The following SPRED1 variants were observed in gnomAD, a reference collection of about 807,000 sequenced individuals.
The protein encoded by SPRED1 is sprouty related EVH1 domain containing 1.
A neutral mutation model predicts 52.3 loss-of-function variants in SPRED1; 18 were observed. The ratio of observed to expected loss-of-function variants is 0.34; its 90% confidence interval spans 0.24 to 0.51. The LOEUF is 0.51. Among genes scored for constraint, SPRED1 ranks in the 20% least tolerant of loss-of-function variants. The pLI is 0.97. For synonymous variants in SPRED1, 155 were observed against 179.7 expected, an observed-to-expected ratio of 0.86 and a Z score of 1.10; for missense variants, 485 against 551.0, an observed-to-expected ratio of 0.88 and a Z score of 1.20.
chr15:38,292,745 G>T (rs1894950214), intron 1 of SPRED1, among the ~76,000 whole-genome samples: 1 of 152,168 alleles, frequency 6.6e-6, no homozygotes, highest in South Asian at 2.1e-4. Flanking sequence ...TTCAGATTTG[G>T]ATGGGGGACA....
At chr15:38,350,043 T>A (rs747505636) in intron 6 of SPRED1, among the ~76,000 whole-genome samples, 2 of 152,206 alleles carry the variant, frequency 1.3e-5, no homozygotes, top group Non-Finnish European at 2.9e-5. Context: ...TAGGGGTATT[T>A]TACGTCATTG....
Position 38,351,703 on chromosome 15 carries a change from C to T in SPRED1, c.*39C>T. ...CAAAATGAGCTTAAAATCTTTGTTT[C>T]CAGGAATTAGCTAACTTGGATTTGT... On this transcript the variant is annotated 3_prime_UTR_variant, in exon 7 of 7. Coordinates refer to ENST00000299084, the MANE Select transcript of SPRED1 (RefSeq NM_152594.3). 2 of 1,603,116 alleles carry T rather than the reference C, an allele frequency of 1.2e-6. No homozygotes were observed. Among genetic ancestry groups the T allele is most frequent in the Non-Finnish European group, 1.7e-6 (2 of 1,178,952 alleles).
At position 38,351,683 on chromosome 15, in the gene SPRED1, T is replaced by C; in HGVS notation, c.*19T>C. On this transcript the variant is annotated 3_prime_UTR_variant, in exon 7 of 7. Coordinates refer to ENST00000299084, the MANE Select transcript of SPRED1 (RefSeq NM_152594.3). Reference sequence around the variant, plus strand: ...TGGATGAAATGGTCCAGTGCCAAAATGAGCTTAAAATCTTTGTTTCCAGGA... The same window carrying C: ...TGGATGAAATGGTCCAGTGCCAAAACGAGCTTAAAATCTTTGTTTCCAGGA... The C allele has an allele frequency of 6.2e-7, 1 of 1,608,416 alleles. No homozygotes were observed. The highest frequency in any genetic ancestry group is 1.3e-5 in the African/African-American group (1 of 75,050).
rs16966842 is a variant in SPRED1 at position 38,351,912 on chromosome 15, T to C, written c.*248T>C. The C allele has an allele frequency of 0.015, 8,503 of 576,160 alleles. 588 individuals are homozygous for C. Among genetic ancestry groups the C allele is most frequent in the African/African-American group, 0.14 (7,718 of 53,402 alleles). 35.7% of individuals were successfully genotyped at this position (576,160 alleles called of 1,614,324 possible). On this transcript the variant is annotated 3_prime_UTR_variant, in exon 7 of 7. Coordinates refer to ENST00000299084, the MANE Select transcript of SPRED1 (RefSeq NM_152594.3). The stretch of plus-strand genomic sequence containing the variant: ...GAAACCATTTCTGGTTATTTGGCTA[T>C]AAAAAGTCAGCATAAAATATGATCC...
intron 2 of SPRED1, among the ~76,000 whole-genome samples, chr15:38,320,197 C>T (rs1175957178): frequency 6.6e-6 from 1 of 152,122 alleles, no homozygotes; most frequent in African/African-American, 2.4e-5. Flanking sequence ...ATATCTGGCT[C>T]TTGGGAGCCA....
intron 6 of SPRED1, 27 bp downstream of exon 6, chr15:38,349,550 T>C: frequency 6.9e-7 from 1 of 1,442,040 alleles, no homozygotes; most frequent in Non-Finnish European, 9.6e-7. Flanking sequence ...TATCTTGTGA[T>C]ATGGAATTTA....
rs761401115 is a variant in SPRED1, at chr15:38,322,423, A to G, written c.376+14A>G. On this transcript the variant is annotated intron_variant, in intron 3 of 6. Transcript: ENST00000299084. ...ATATTTCTCAAGGTAGGTATTCTTGACTATTTTCTTAATTTATTTATCGGT... is the reference window on the plus strand; with the variant it reads ...ATATTTCTCAAGGTAGGTATTCTTGGCTATTTTCTTAATTTATTTATCGGT... 2 of 1,612,166 alleles carry G rather than the reference A, an allele frequency of 1.2e-6. No homozygotes were observed. Among genetic ancestry groups the G allele is most frequent in the South Asian group, 2.2e-5 (2 of 91,024 alleles).
At chr15:38,332,441 A>AG (rs1399918113) in intron 4 of SPRED1, among the ~76,000 whole-genome samples, 3 of 152,000 alleles carry the variant, frequency 2.0e-5, no homozygotes, top group Non-Finnish European at 4.4e-5. Flanking sequence ...GGCATGATGG[A>AG]GTCCACCTGT....
chr15:38,299,786 A>T (rs1242193801), intron 2 of SPRED1, among the ~76,000 whole-genome samples: 2 of 152,048 alleles, frequency 1.3e-5, no homozygotes, highest in African/African-American at 4.8e-5. Flanking sequence ...TGCAGGAGTT[A>T]ATAAATAGTC....
At chr15:38,254,376 C>T (rs986628270) in intron 1 of SPRED1, among the ~76,000 whole-genome samples, 1 of 152,172 alleles carries the variant, frequency 6.6e-6, no homozygotes, top group Non-Finnish European at 1.5e-5. Flanking sequence ...CACCCCAAAA[C>T]ACACGCTTCT....
intron 3 of SPRED1, among the ~76,000 whole-genome samples, chr15:38,323,110 T>C (rs1895637817): frequency 6.6e-6 from 1 of 152,132 alleles, no homozygotes; most frequent in Admixed American, 6.6e-5. Flanking sequence ...TAACTTTCTA[T>C]ATAAAGTAAC....
chr15:38,333,966 G>A (rs1041584484), intron 4 of SPRED1, among the ~76,000 whole-genome samples: 22 of 152,124 alleles, frequency 1.4e-4, no homozygotes, highest in South Asian at 6.2e-4. Context: ...TCTTCATACG[G>A]AGTAGGTTGA....
chr15:38,344,315 A>G (rs1896087230), intron 5 of SPRED1, among the ~76,000 whole-genome samples: 1 of 152,224 alleles, frequency 6.6e-6, no homozygotes, highest in African/African-American at 2.4e-5. Flanking sequence ...ATGATATACC[A>G]GTATTCCTCA....
At chr15:38,321,625 A>G (rs1358326894) in intron 2 of SPRED1, among the ~76,000 whole-genome samples, 5 of 152,174 alleles carry the variant, frequency 3.3e-5, no homozygotes, top group African/African-American at 1.2e-4. Context: ...ACAAAGTCTC[A>G]CTGTGTTGCC....
Position 38,355,063 on chromosome 15 carries a change from C to G in SPRED1, c.*3399C>G, listed in dbSNP as rs1475644369. 6.6e-6 allele frequency: 1 copy of G among 152,350 alleles called. No individual in the cohort carries two copies. The highest frequency in any genetic ancestry group is 1.9e-4 in the East Asian group (1 of 5,202). 9.4% of individuals were successfully genotyped at this position (152,350 alleles called of 1,614,324 possible). ...CTCCGCCTCCTGGGTTCAAGCGATT[C>G]TCCTGCCTCAGCCTCCCAAGTAGCT... is the stretch of plus-strand genomic sequence containing the variant. On this transcript the variant is annotated 3_prime_UTR_variant, in exon 7 of 7. Transcript: ENST00000299084.
At chr15:38,289,991 A>G (rs1000763739) in intron 1 of SPRED1, among the ~76,000 whole-genome samples, 2 of 152,148 alleles carry the variant, frequency 1.3e-5, no homozygotes, top group Admixed American at 1.3e-4. Flanking sequence ...TTTATTGTTC[A>G]TGGTGTTTTT....
intron 3 of SPRED1, among the ~76,000 whole-genome samples, 160 bp from the exon 4 acceptor site, chr15:38,324,603 C>T (rs184294214): frequency 1.3e-5 from 2 of 152,282 alleles, no homozygotes; most frequent in African/African-American, 4.8e-5. Flanking sequence ...ATTATTCTAA[C>T]AGGGGCAAAT....
rs1227245527 is a variant in SPRED1, at chr15:38,349,450, T to C, written c.611T>C (p.Ile204Thr). Reference sequence around the variant, plus strand: ...ACATTTGGTCAGCCAGGCTTGGACATTCAGAGCAGAAGTATGGAATACGTA... The same window carrying C: ...ACATTTGGTCAGCCAGGCTTGGACACTCAGAGCAGAAGTATGGAATACGTA... ...QITFGQPGLD[I>T]QSRSMEYVQR... Residue 204 changes from isoleucine to threonine, a missense_variant, in exon 6 of 7, where the codon ATT becomes ACT. This residue lies in a region of SPRED1 where 232 missense variants were observed against 231.8 expected (regional missense o/e 1.00). Transcript: ENST00000299084. 1 of 1,612,770 alleles carries C rather than the reference T, an allele frequency of 6.2e-7. No homozygotes were observed. Among genetic ancestry groups the C allele is most frequent in the Admixed American group, 1.7e-5 (1 of 59,934 alleles).
intron 1 of SPRED1, among the ~76,000 whole-genome samples, chr15:38,268,646 C>T (rs1894362585): frequency 6.6e-6 from 1 of 152,246 alleles, no homozygotes; most frequent in South Asian, 2.1e-4. Context: ...ATACAGGACC[C>T]ATCATTTAAA....
Sources: allele counts gnomAD v4.1 joint callset (sites outside exome capture counted in the v4.1 genomes callset), GRCh38; gene constraint gnomAD v4.1.1; regional missense constraint gnomAD v4.1.1; transcripts MANE v1.5; gene names NCBI Gene and HGNC (gene_info 2026-07-23, HGNC 2026-07-21).